Variants in ANXA8 observed in about 807,000 individuals in gnomAD.
ANXA8 encodes annexin A8.
A neutral mutation model predicts 26.8 loss-of-function variants in ANXA8; 9 were observed. That is an observed-to-expected ratio of 0.34 (90% CI 0.20 to 0.59). The LOEUF is 0.59. ANXA8 is among the 20% of genes least tolerant of loss of function. The probability of loss-of-function intolerance (pLI) is 0.84; values close to 1 mark genes in which losing one functional copy is unlikely to be tolerated. For missense variants in ANXA8, 83 were observed against 238.5 expected (o/e 0.35, Z 4.29); for synonymous variants, 39 against 94.8 (o/e 0.41, Z 3.42).
the ANXA8 span, among the ~76,000 whole-genome samples, chr10:47,982,115 C>T: frequency 4.6e-5 from 7 of 151,494 alleles, no homozygotes; most frequent in African/African-American, 1.7e-4. Context: ...TAATGAGACC[C>T]CATCTCTACA....
the ANXA8 span, among the ~76,000 whole-genome samples, chr10:47,501,052 C>A: frequency 2.8e-5 from 4 of 144,884 alleles, no homozygotes; most frequent in African/African-American, 1.0e-4. Context: ...CGCCACCACA[C>A]CTGGCTAATT....
the ANXA8 span, among the ~76,000 whole-genome samples, chr10:47,652,527 G>T: frequency 6.6e-6 from 1 of 150,916 alleles, no homozygotes; most frequent in East Asian, 1.9e-4. Context: ...AATCCAGGAG[G>T]TAGAGGTTGC....
At chr10:47,681,952 C>G in the ANXA8 span, among the ~76,000 whole-genome samples, 124 of 135,546 alleles carry the variant, frequency 9.1e-4, 2 homozygotes, top group African/African-American at 3.4e-3. Context: ...CAAATGACAT[C>G]TGGGCTGAGA....
chr10:47,563,862 AC>A, the ANXA8 span, among the ~76,000 whole-genome samples: 6 of 151,792 alleles, frequency 4.0e-5, no homozygotes, highest in African/African-American at 1.5e-4. Context: ...GCCTTTTTTT[AC>A]GGGAGGGATT....
At chr10:47,937,652 G>A in the ANXA8 span, among the ~76,000 whole-genome samples, 8 of 142,040 alleles carry the variant, frequency 5.6e-5, no homozygotes, top group East Asian at 2.0e-4. Flanking sequence ...AGTGTCTGTC[G>A]TTCCCCTCTT....
the ANXA8 span, among the ~76,000 whole-genome samples, chr10:47,696,243 C>T: frequency 2.2e-4 from 33 of 151,656 alleles, no homozygotes; most frequent in Non-Finnish European, 3.8e-4. Context: ...TTTAGATTTG[C>T]TGTTTTGTCA....
At chr10:47,733,237 T>A in the ANXA8 span, among the ~76,000 whole-genome samples, 28 of 55,894 alleles carry the variant, frequency 5.0e-4, 1 homozygote, top group Admixed American at 1.4e-3. Flanking sequence ...CTTTCTCTCT[T>A]TCTTTCTTTC....
intron 11 of ANXA8, among the ~76,000 whole-genome samples, chr10:47,470,003 C>T (rs1466519514): frequency 6.6e-6 from 1 of 151,606 alleles, no homozygotes; most frequent in Non-Finnish European, 1.5e-5. Context: ...GTTGGCCTCC[C>T]AAAGCACTGG....
upstream of ANXA8, chr10:47,484,312 G>C (rs1488046094): frequency 3.1e-6 from 2 of 637,422 alleles, no homozygotes; most frequent in East Asian, 2.8e-5. Context: ...TCAAACTCCC[G>C]ACCTCAGGTG....
At chr10:47,606,068 T>G in the ANXA8 span, among the ~76,000 whole-genome samples, 1 of 146,998 alleles carries the variant, frequency 6.8e-6, no homozygotes, top group Non-Finnish European at 1.5e-5. Context: ...AAACCACACT[T>G]TAAGCAAGAA....
chr10:47,918,656 C>T, the ANXA8 span: 1 of 36,106 alleles, frequency 2.8e-5, no homozygotes, highest in South Asian at 8.6e-4. Context: ...GCGTAGCAGC[C>T]GCTCCACTCT....
At chr10:47,956,729 G>A in the ANXA8 span, among the ~76,000 whole-genome samples, 1 of 150,374 alleles carries the variant, frequency 6.7e-6, no homozygotes, top group Non-Finnish European at 1.5e-5. Context: ...GCTTCAATGA[G>A]CCCTGTCCTG....
the ANXA8 span, among the ~76,000 whole-genome samples, chr10:47,492,983 G>A: frequency 6.6e-6 from 1 of 151,416 alleles, no homozygotes; most frequent in Non-Finnish European, 1.5e-5. Context: ...GGACTCGGGA[G>A]CTGAGACCCT....
the ANXA8 span, among the ~76,000 whole-genome samples, chr10:47,684,583 GT>G: frequency 2.1e-4 from 32 of 151,676 alleles, 1 homozygote; most frequent in African/African-American, 4.4e-4. Flanking sequence ...AACATTATGA[GT>G]TTTTTTTGAG....
the ANXA8 span, among the ~76,000 whole-genome samples, chr10:47,640,180 G>A: frequency 1.5e-5 from 2 of 134,338 alleles, no homozygotes; most frequent in Non-Finnish European, 3.0e-5. Flanking sequence ...ATATAAGGTG[G>A]TATAATGTTT....
At chr10:47,515,960 A>T in the ANXA8 span, among the ~76,000 whole-genome samples, 1 of 131,062 alleles carries the variant, frequency 7.6e-6, no homozygotes, top group Non-Finnish European at 1.6e-5. Flanking sequence ...AATAGAAAAA[A>T]GGAATTGATA....
chr10:47,511,262 A>C, the ANXA8 span, among the ~76,000 whole-genome samples: 2 of 142,374 alleles, frequency 1.4e-5, 1 homozygote, highest in African/African-American at 5.2e-5. Context: ...TTTATTTACT[A>C]CGATAAAATG....
chr10:47,484,151 C>G (rs1311094039), upstream of ANXA8: 2 of 1,101,694 alleles, frequency 1.8e-6, no homozygotes, highest in Non-Finnish European at 2.7e-6. Flanking sequence ...CTCCCAGGCC[C>G]CACCCAGACA....
chr10:47,632,127 C>T, the ANXA8 span, among the ~76,000 whole-genome samples: 471 of 152,242 alleles, frequency 3.1e-3, no homozygotes, highest in African/African-American at 0.011. Context: ...AAATTTACAT[C>T]CGGGTTAAAT....
Sources: gnomAD v4.1 joint callset for allele counts (sites outside exome capture counted in the v4.1 genomes callset) on GRCh38, gnomAD v4.1.1 for gene constraint, MANE v1.5 for transcripts, NCBI Gene and HGNC (gene_info 2026-07-23, HGNC 2026-07-21) for gene names.